The following SNUPN variants were observed in gnomAD, a reference collection of about 807,000 sequenced individuals.
SNUPN encodes the protein snurportin-1.
Under a neutral mutation model 39.2 loss-of-function variants are expected in SNUPN, and 31 were observed. That is an observed-to-expected ratio of 0.79 (90% CI 0.59 to 1.07). The LOEUF (loss-of-function observed/expected upper bound fraction) is 1.07, where lower values mean the gene tolerates loss of function less well. Ranked by LOEUF, SNUPN falls within the 50% of genes least tolerant of loss-of-function variation. The pLI, the probability that SNUPN is intolerant of heterozygous loss-of-function variation, is 0.00. For synonymous variants in SNUPN, 132 were observed against 159.0 expected, an observed-to-expected ratio of 0.83 and a Z score of 1.28; for missense variants, 382 against 434.2, an observed-to-expected ratio of 0.88 and a Z score of 1.07.
In SNUPN at chr15:75,620,951, T is replaced by A; in HGVS notation, c.101A>T (p.Lys34Met). ...CTCACTCTGCTCCAAGGAACTGTAC[T>A]TGGACTTGTACTGGGATAGGCGGGG... ...PHPRLSQYKS[K>M]YSSLEQSERR... The change falls in exon 2 of 9, where the codon AAG (lysine) becomes ATG (methionine). Residue 34 changes from lysine to methionine, a missense_variant. Lys to Met is a moderately conservative substitution (Grantham distance 95, BLOSUM62 -1). Transcript: ENST00000308588. The A allele has an allele frequency of 6.2e-7, 1 of 1,614,122 alleles. No homozygotes were observed. The highest frequency in any genetic ancestry group is 8.5e-7 in the Non-Finnish European group (1 of 1,180,016).
At chr15:75,600,873 G>A (rs1183535931) in intron 8 of SNUPN, 7 of 379,658 alleles carry the variant, frequency 1.8e-5, no homozygotes, top group Admixed American at 3.9e-5. Flanking sequence ...CAGTTTCTCC[G>A]GACCTCAGTT....
At chr15:75,600,292 T>C (rs75700869) in intron 8 of SNUPN, among the ~76,000 whole-genome samples, 1 of 151,460 alleles carries the variant, frequency 6.6e-6, no homozygotes, top group Non-Finnish European at 1.5e-5. Flanking sequence ...TTTTTTTTTT[T>C]GAGACAGAGT....
intron 2 of SNUPN, among the ~76,000 whole-genome samples, chr15:75,619,355 G>A (rs565394368): frequency 1.3e-5 from 2 of 151,890 alleles, no homozygotes; most frequent in Admixed American, 6.6e-5. Context: ...GAATATCTTC[G>A]GAAGGGCCAG....
chr15:75,601,431 C>T (rs1269697215), intron 7 of SNUPN, among the ~76,000 whole-genome samples: 1 of 152,020 alleles, frequency 6.6e-6, no homozygotes, highest in Non-Finnish European at 1.5e-5. Flanking sequence ...AAAAATTAGC[C>T]AGGCATAGTG....
At chr15:75,600,238 T>C (rs938633437) in intron 8 of SNUPN, among the ~76,000 whole-genome samples, 21 of 151,824 alleles carry the variant, frequency 1.4e-4, no homozygotes, top group African/African-American at 4.8e-4. Flanking sequence ...GACAAGACTG[T>C]TGAGGACTGG....
chr15:75,607,823 C>A (rs946658322), intron 5 of SNUPN, among the ~76,000 whole-genome samples: 1 of 152,118 alleles, frequency 6.6e-6, no homozygotes, highest in Non-Finnish European at 1.5e-5. Context: ...AAGGCTGGAG[C>A]AGCAGGAAAT....
chr15:75,616,320 T>C (rs1595987472), intron 3 of SNUPN, among the ~76,000 whole-genome samples: 1 of 151,812 alleles, frequency 6.6e-6, no homozygotes, highest in African/African-American at 2.4e-5. Flanking sequence ...TAGCCGGGTG[T>C]GGTGGCAGGC....
intron 3 of SNUPN, among the ~76,000 whole-genome samples, chr15:75,612,546 G>A (rs1257616181): frequency 6.6e-6 from 1 of 152,060 alleles, no homozygotes; most frequent in Non-Finnish European, 1.5e-5. Flanking sequence ...GTTCCCATTA[G>A]GGGTGGATCT....
chr15:75,620,712 G>A (rs1488399088), intron 2 of SNUPN, among the ~76,000 whole-genome samples, 182 bp downstream of exon 2: 1 of 152,138 alleles, frequency 6.6e-6, no homozygotes, highest in Non-Finnish European at 1.5e-5. Flanking sequence ...CTTCTCCTAA[G>A]CTCTGGGTAT....
chr15:75,618,414 T>A (rs1892989127), intron 2 of SNUPN, among the ~76,000 whole-genome samples: 1 of 152,126 alleles, frequency 6.6e-6, no homozygotes. Context: ...AGTTCCTGTC[T>A]AACTTTCAAA....
At chr15:75,617,198 A>G (rs577377147) in intron 3 of SNUPN, among the ~76,000 whole-genome samples, 1 of 152,338 alleles carries the variant, frequency 6.6e-6, no homozygotes, top group East Asian at 1.9e-4. Flanking sequence ...CACAGATTCC[A>G]TCAGTGATTC....
Position 75,609,885 on chromosome 15 carries a change from C to A in SNUPN, c.408+5G>T. On this transcript the variant is annotated splice_donor_5th_base_variant and intron_variant, in intron 4 of 8. Transcript: ENST00000308588. ...TACTGGCATAGGGGGCAGGCAGCTA[C>A]TCACCCTGGAGGCCACGATAAGGGC... 1 of 1,609,686 alleles carries A rather than the reference C, an allele frequency of 6.2e-7. No homozygotes were observed. The highest frequency in any genetic ancestry group is 8.5e-7 in the Non-Finnish European group (1 of 1,176,056).
At chr15:75,625,957 C>CA (rs28372915), upstream of SNUPN, 24,843 of 152,360 alleles carry the variant, frequency 0.16, 2,715 homozygotes, top group Non-Finnish European at 0.24. Context: ...GATGACTTGA[C>CA]CAGGCCGAGG....
chr15:75,609,755 C>A (rs1892731077), intron 4 of SNUPN, 104 bp from the exon 5 acceptor site: 1 of 1,153,692 alleles, frequency 8.7e-7, no homozygotes. Context: ...TGGCTCTCAA[C>A]AAACCTTCCT....
Position 75,607,165 on chromosome 15 carries a change from A to G in SNUPN, c.600+51T>C, listed in dbSNP as rs2075336874. The G allele has an allele frequency of 6.7e-6, 9 of 1,338,528 alleles. No homozygotes were observed. In the East Asian group the frequency reaches 2.1e-4, roughly 31 times the overall value. The allele number at this position is 1,338,528 out of a possible 1,614,324, so 82.9% of individuals were successfully genotyped here. On this transcript the variant is annotated intron_variant, in intron 6 of 8. Coordinates refer to ENST00000308588, the MANE Select transcript of SNUPN (RefSeq NM_005701.4). ...AACCCACATGCTGAGCCGCTTTCCC[A>G]GGAGGAGAGGAGAAGACAGGAAGAG... is the stretch of plus-strand genomic sequence containing the variant.
At chr15:75,598,775 ACTC>A (rs1254084185) in intron 8 of SNUPN, 94 bp from the exon 9 acceptor site, 1 of 934,668 alleles carries the variant, frequency 1.1e-6, no homozygotes, top group African/African-American at 1.6e-5. Flanking sequence ...TTGTGGTCCG[ACTC>A]CTTTTTCTGG....
intron 3 of SNUPN, among the ~76,000 whole-genome samples, chr15:75,613,642 CAAA>C (rs58623437): frequency 1.6e-5 from 2 of 128,546 alleles, no homozygotes; most frequent in Non-Finnish European, 1.6e-5. Flanking sequence ...GACTCCAACT[CAAA>C]AAAAAAAAAA....
chr15:75,600,929 G>A lies in SNUPN; in HGVS notation c.759+209C>T. On this transcript the variant is annotated intron_variant, in intron 8 of 8. Transcript: ENST00000308588. ...GAGTTGGACGAGCTGTCCATTAAGG[G>A]CCCTTCCAGTGCCAGCATTCTGACT... 10 of 492,848 alleles carry A rather than the reference G, an allele frequency of 2.0e-5. No individual in the cohort carries two copies. In the South Asian group the frequency reaches 2.1e-4, roughly 10 times the overall value. The allele number at this position is 492,848 out of a possible 1,614,324, so 30.5% of individuals were successfully genotyped here. A position where few individuals can be genotyped will look rare whatever the true frequency, so the allele number is the denominator to read the frequency against.
At chr15:75,614,087 C>T (rs553831594) in intron 3 of SNUPN, among the ~76,000 whole-genome samples, 1 of 152,164 alleles carries the variant, frequency 6.6e-6, no homozygotes, top group East Asian at 1.9e-4. Context: ...GTCACAAGTT[C>T]GAGACCAGCC....
Sources: allele counts gnomAD v4.1 joint callset (sites outside exome capture counted in the v4.1 genomes callset), GRCh38; gene constraint gnomAD v4.1.1; transcripts MANE v1.5; gene names NCBI Gene and HGNC (gene_info 2026-07-23, HGNC 2026-07-21).